LPA: variants seen among roughly 807,000 people sequenced by gnomAD.
The protein encoded by LPA is apolipoprotein(a).
Under a neutral mutation model 197.9 loss-of-function variants are expected in LPA, and 199 were observed. The observed-to-expected ratio is 1.01, with a 90% CI of 0.90 to 1.13. The LOEUF is 1.13. LPA is among the 50% of genes most tolerant of loss of function. The pLI is 0.00. For synonymous variants in LPA, 715 were observed against 639.5 expected, an observed-to-expected ratio of 1.12 and a Z score of -1.78; for missense variants, 1,853 against 1,785.8, an observed-to-expected ratio of 1.04 and a Z score of -0.68.
At chr6:160,555,374 G>A (rs1450225551) in intron 30 of LPA, among the ~76,000 whole-genome samples, 2 of 141,040 alleles carry the variant, frequency 1.4e-5, no homozygotes, top group East Asian at 4.0e-4. Flanking sequence ...AGCTGTGCAG[G>A]CTATAGGGTA....
At chr6:160,577,371 A>G (rs1639505827) in intron 27 of LPA, 76 bp from the exon 28 acceptor site, 1 of 1,362,706 alleles carries the variant, frequency 7.3e-7, no homozygotes, top group Non-Finnish European at 1.0e-6. Context: ...TATGTCACAT[A>G]CTGGACAGTA....
chr6:160,661,870 G>T (rs573598085), intron 1 of LPA, among the ~76,000 whole-genome samples: 4 of 152,284 alleles, frequency 2.6e-5, no homozygotes, highest in African/African-American at 9.6e-5. Context: ...TTAATAAGGT[G>T]CTTCCTACAG....
intron 16 of LPA, among the ~76,000 whole-genome samples, chr6:160,609,761 A>T (rs1779446190): frequency 1.3e-5 from 2 of 150,908 alleles, no homozygotes; most frequent in South Asian, 4.2e-4. Flanking sequence ...AGGGATGTGC[A>T]TGTGTGTGTG....
intron 33 of LPA, 152 bp from the exon 34 acceptor site, chr6:160,542,960 A>G: frequency 9.5e-7 from 1 of 1,047,454 alleles, no homozygotes; most frequent in East Asian, 2.6e-5. Flanking sequence ...TTTTCTTTCT[A>G]AGTTTAAAAA....
intron 30 of LPA, among the ~76,000 whole-genome samples, chr6:160,551,735 CT>C (rs1011593519): frequency 2.6e-5 from 4 of 152,042 alleles, no homozygotes; most frequent in Non-Finnish European, 5.9e-5. Flanking sequence ...TCAAGTTCTG[CT>C]TTTGTTTTGT....
At chr6:160,651,563 C>G (rs181146073) in intron 1 of LPA, among the ~76,000 whole-genome samples, 12 of 152,310 alleles carry the variant, frequency 7.9e-5, no homozygotes, top group Admixed American at 5.2e-4. Context: ...GTGCCCATTT[C>G]AAAGCATAAA....
chr6:160,592,235 TTG>T (rs1050912762), intron 22 of LPA, among the ~76,000 whole-genome samples: 9 of 145,812 alleles, frequency 6.2e-5, no homozygotes, highest in African/African-American at 2.2e-4. Flanking sequence ...GTATGTGTAT[TTG>T]TGTCTGTCTG....
intron 28 of LPA, among the ~76,000 whole-genome samples, chr6:160,562,473 T>C (rs1339663310): frequency 6.6e-6 from 1 of 152,194 alleles, no homozygotes; most frequent in African/African-American, 2.4e-5. Flanking sequence ...AGTTTGCCAG[T>C]ATTTTATTGA....
intron 24 of LPA, among the ~76,000 whole-genome samples, chr6:160,587,457 T>C (rs566055304): frequency 6.6e-6 from 1 of 152,210 alleles, no homozygotes; most frequent in Non-Finnish European, 1.5e-5. Context: ...CTGTTGTTCA[T>C]AGGAACCCCC....
intron 1 of LPA, among the ~76,000 whole-genome samples, chr6:160,654,543 A>C (rs913666031): frequency 1.3e-5 from 2 of 152,132 alleles, no homozygotes; most frequent in African/African-American, 2.4e-5. Flanking sequence ...ACCCATACAC[A>C]CATCCTGAAA....
chr6:160,542,647 C>T, intron 34 of LPA, 41 bp downstream of exon 34: 1 of 1,611,294 alleles, frequency 6.2e-7, no homozygotes, highest in South Asian at 1.1e-5. Flanking sequence ...GTGGGGCTTA[C>T]ATGGAAGGAC....
intron 17 of LPA, 34 bp from the exon 18 acceptor site, chr6:160,605,239 T>C: frequency 6.2e-7 from 1 of 1,610,114 alleles, no homozygotes; most frequent in Non-Finnish European, 8.5e-7. Context: ...AAACTGAGTG[T>C]TTCCAAGAAG....
At position 160,548,617 on chromosome 6, in the gene LPA, T is replaced by C. The variant is rs1216603322; in HGVS notation, c.5016A>G (p.Thr1672=). The change falls in exon 31 of 39, where the codon ACA becomes ACG. Residue 1672 remains threonine, a synonymous_variant. Coordinates refer to ENST00000316300, the MANE Select transcript of LPA (RefSeq NM_005577.4). ...GGTCCATGGTAAAACACCAAGGGCC[T>C]GTATCGGCATCTGGATTCCTGCAGT... ...MNYCRNPDAD[T]GPWCFTMDPS... The C allele has an allele frequency of 4.3e-6, 7 of 1,614,000 alleles. No individual in the cohort carries two copies. Among genetic ancestry groups the C allele is most frequent in the Non-Finnish European group, 5.1e-6 (6 of 1,180,016 alleles).
intron 28 of LPA, among the ~76,000 whole-genome samples, chr6:160,568,084 C>T (rs1778492121): frequency 6.6e-6 from 1 of 152,212 alleles, no homozygotes; most frequent in Non-Finnish European, 1.5e-5. Context: ...GGTACCAATT[C>T]TTCTGAAACT....
intron 34 of LPA, 61 bp downstream of exon 34, chr6:160,542,627 G>A: frequency 6.2e-7 from 1 of 1,609,248 alleles, no homozygotes; most frequent in East Asian, 2.2e-5. Flanking sequence ...TGTAAATGTA[G>A]AAGGGTTTTG....
At chr6:160,583,655 C>G (rs760300078) in intron 26 of LPA, among the ~76,000 whole-genome samples, 2 of 152,188 alleles carry the variant, frequency 1.3e-5, no homozygotes, top group Non-Finnish European at 2.9e-5. Flanking sequence ...ACACAGCTTT[C>G]TGTTCAGCCA....
At chr6:160,584,905 A>T in intron 26 of LPA, 141 bp downstream of exon 26, 1 of 858,414 alleles carries the variant, frequency 1.2e-6, no homozygotes, top group Non-Finnish European at 2.0e-6. Flanking sequence ...TTTTGCTCAA[A>T]AGTAAGTTTC....
chr6:160,585,606 T>G (rs966828062), intron 25 of LPA, among the ~76,000 whole-genome samples: 1 of 151,990 alleles, frequency 6.6e-6, no homozygotes, highest in East Asian at 1.9e-4. Flanking sequence ...GGGGTATACA[T>G]GAAACCCTTG....
intron 21 of LPA, among the ~76,000 whole-genome samples, chr6:160,594,440 G>T (rs1411053398): frequency 6.6e-6 from 1 of 152,196 alleles, no homozygotes. Flanking sequence ...CAGGAAACTA[G>T]ACTGCTATGC....
Sources: gnomAD v4.1 joint callset for allele counts (sites outside exome capture counted in the v4.1 genomes callset) on GRCh38, gnomAD v4.1.1 for gene constraint, MANE v1.5 for transcripts, NCBI Gene and HGNC (gene_info 2026-07-23, HGNC 2026-07-21) for gene names.